The following GATA4 variants were observed in gnomAD, a reference collection of about 807,000 sequenced individuals.
GATA4 encodes GATA binding protein 4.
GATA4 carries 7 observed loss-of-function variants against 37.9 expected under a neutral mutation model. The ratio of observed to expected loss-of-function variants is 0.18; its 90% confidence interval spans 0.11 to 0.35. GATA4 has a LOEUF of 0.35. Ranked by LOEUF, GATA4 falls within the 10% of genes least tolerant of loss-of-function variation. The probability of loss-of-function intolerance (pLI) is 1.00; values close to 1 mark genes in which losing one functional copy is unlikely to be tolerated. For synonymous variants in GATA4, 372 were observed against 292.6 expected, an observed-to-expected ratio of 1.27 and a Z score of -2.77; for missense variants, 647 against 653.0, an observed-to-expected ratio of 0.99 and a Z score of 0.10.
chr8:11,759,870 A>G lies in GATA4; in HGVS notation c.*1395A>G, dbSNP rs760083507. 1 of 152,634 alleles carries G rather than the reference A, an allele frequency of 6.6e-6. No homozygotes were observed. The highest frequency in any genetic ancestry group is 1.5e-5 in the Non-Finnish European group (1 of 68,038). 9.5% of individuals were successfully genotyped at this position (152,634 alleles called of 1,614,324 possible). On this transcript the variant is annotated 3_prime_UTR_variant, in exon 7 of 7. Transcript: ENST00000532059. ...TTTGAACCAAGATTCTGTTTTAATC[A>G]TCATTTACATTGTTTTCTTCCAAAG...
intron 2 of GATA4, among the ~76,000 whole-genome samples, chr8:11,735,034 A>C (rs1801389833): frequency 6.6e-6 from 1 of 152,258 alleles, no homozygotes; most frequent in African/African-American, 2.4e-5. Context: ...TGTATAATTA[A>C]AACTGGGAAA....
At chr8:11,681,043 A>C in intron 1 of GATA4, 1 of 935,422 alleles carries the variant, frequency 1.1e-6, no homozygotes, top group Non-Finnish European at 1.3e-6. Context: ...CACAGATCTA[A>C]TGCCTTCCTT....
At position 11,709,947 on chromosome 8, in the gene GATA4, A is replaced by G. The variant is rs1800098310; in HGVS notation, c.616+1019A>G. Among the ~76,000 whole-genome samples, 1 of 152,104 alleles carries G rather than the reference A, an allele frequency of 6.6e-6. No individual in the cohort carries two copies. Among genetic ancestry groups the G allele is most frequent in the African/African-American group, 2.4e-5 (1 of 41,420 alleles). On this transcript the variant is annotated intron_variant, in intron 2 of 6. Transcript: ENST00000532059. The surrounding 1 kb of genome is among the most constrained non-coding windows in gnomAD (Gnocchi z 4.3). ...GGAGGAGTGAGTTTGGATTGAGCCC[A>G]CCCTGTGGGGGAGGGGAAGCCCAGG...
At chr8:11,711,317 C>A (rs1800173054) in intron 2 of GATA4, among the ~76,000 whole-genome samples, 1 of 152,192 alleles carries the variant, frequency 6.6e-6, no homozygotes, top group African/African-American at 2.4e-5. Flanking sequence ...AAGTCCACAG[C>A]CTTTGAATCT....
intron 2 of GATA4, among the ~76,000 whole-genome samples, chr8:11,728,093 C>A (rs554826349): frequency 7.2e-5 from 11 of 152,066 alleles, no homozygotes; most frequent in African/African-American, 2.7e-4. Flanking sequence ...CAGGTTCAAG[C>A]GATTCTCCTG....
chr8:11,681,980 A>G (rs1798987531), intron 1 of GATA4, among the ~76,000 whole-genome samples: 1 of 152,190 alleles, frequency 6.6e-6, no homozygotes, highest in African/African-American at 2.4e-5. Context: ...ATGTTTGTCT[A>G]CAGAAGTTAC....
intron 5 of GATA4, among the ~76,000 whole-genome samples, chr8:11,755,508 T>A (rs1414428958): frequency 6.6e-6 from 1 of 152,190 alleles, no homozygotes; most frequent in Non-Finnish European, 1.5e-5. Flanking sequence ...CTAACGGGGA[T>A]CCAGGAGGGC....
intron 1 of GATA4, among the ~76,000 whole-genome samples, chr8:11,679,191 C>T (rs952251544): frequency 2.7e-5 from 4 of 147,274 alleles, no homozygotes; most frequent in Non-Finnish European, 4.5e-5. Flanking sequence ...GGGGGGGGCA[C>T]TTTCGCCTGA....
rs947982256 is a variant in GATA4, at chr8:11,755,042, C to T, written c.913-4C>T. 8.7e-6 allele frequency: 14 copies of T among 1,613,100 alleles called. No homozygotes were observed. Among genetic ancestry groups the T allele is most frequent in the Non-Finnish European group, 9.3e-6 (11 of 1,179,094 alleles). ...ACCCTATATATTTACTTGTGACCCTCCAGGTCCCCAGGCCTCTTGCAATGC... is the reference window on the plus strand; with the variant it reads ...ACCCTATATATTTACTTGTGACCCTTCAGGTCCCCAGGCCTCTTGCAATGC... On this transcript the variant is annotated splice_polypyrimidine_tract_variant and splice_region_variant and intron_variant, in intron 4 of 6. Coordinates refer to ENST00000532059, the MANE Select transcript of GATA4 (RefSeq NM_001308093.3).
intron 1 of GATA4, among the ~76,000 whole-genome samples, chr8:11,686,073 T>C (rs1248219266): frequency 6.6e-6 from 1 of 152,254 alleles, no homozygotes; most frequent in South Asian, 2.1e-4. Flanking sequence ...TTTGCACTTG[T>C]AGAGAAACAA....
At chr8:11,727,871 C>A (rs998789374) in intron 2 of GATA4, among the ~76,000 whole-genome samples, 3 of 151,984 alleles carry the variant, frequency 2.0e-5, no homozygotes, top group African/African-American at 7.3e-5. Flanking sequence ...CGTATAATGT[C>A]ACCCAGTTTT....
intron 1 of GATA4, among the ~76,000 whole-genome samples, chr8:11,685,523 G>A (rs1585550766): frequency 1.3e-5 from 2 of 152,160 alleles, no homozygotes; most frequent in East Asian, 3.8e-4. Flanking sequence ...CAAATCATTT[G>A]TTCCAGAGAA....
chr8:11,725,729 C>T (rs113262709), intron 2 of GATA4, among the ~76,000 whole-genome samples: 9 of 152,270 alleles, frequency 5.9e-5, no homozygotes, highest in African/African-American at 1.7e-4. Context: ...TGGCTCACAG[C>T]GAGTGCTGAC....
intron 2 of GATA4, among the ~76,000 whole-genome samples, chr8:11,746,271 G>C (rs1802025359): frequency 6.6e-6 from 1 of 152,092 alleles, no homozygotes; most frequent in South Asian, 2.1e-4. Flanking sequence ...AAAATAGACT[G>C]AGGCAGGAGT....
upstream of GATA4, chr8:11,692,076 CG>C: frequency 1.0e-6 from 1 of 984,720 alleles, no homozygotes; most frequent in East Asian, 1.1e-4. Flanking sequence ...GGGTGCTTTC[CG>C]TAGAAAGGGA....
chr8:11,734,645 C>A (rs552252274), intron 2 of GATA4, among the ~76,000 whole-genome samples: 2 of 152,194 alleles, frequency 1.3e-5, no homozygotes, highest in East Asian at 3.8e-4. Context: ...CACCACCATG[C>A]TCGGCTAATT....
intron 1 of GATA4, among the ~76,000 whole-genome samples, chr8:11,693,298 T>C (rs1478974295): frequency 6.6e-6 from 1 of 151,972 alleles, no homozygotes; most frequent in Non-Finnish European, 1.5e-5. Flanking sequence ...AAACTCCATC[T>C]CTACGAAAAA....
intron 2 of GATA4, among the ~76,000 whole-genome samples, chr8:11,721,563 G>A (rs1448179312): frequency 6.6e-6 from 1 of 151,958 alleles, no homozygotes; most frequent in Non-Finnish European, 1.5e-5. Context: ...AAATGAAGCC[G>A]CACGCTACAG....
rs779512292 is a variant in GATA4, at chr8:11,708,958, T to G, written c.616+30T>G. The G allele has an allele frequency of 1.3e-6, 2 of 1,515,462 alleles. No individual in the cohort carries two copies. Among genetic ancestry groups the G allele is most frequent in the South Asian group, 1.2e-5 (1 of 82,304 alleles). 93.9% of individuals were successfully genotyped at this position (1,515,462 alleles called of 1,614,324 possible). ...GTAGGAGCGCGAGGGCTGGGGCGCG[T>G]GAGGGCCGGGGCAGGGGCCGTCTTG... On this transcript the variant is annotated intron_variant, in intron 2 of 6. Coordinates refer to ENST00000532059, the MANE Select transcript of GATA4 (RefSeq NM_001308093.3). The surrounding 1 kb of genome is among the most constrained non-coding windows in gnomAD (Gnocchi z 6.7).
Sources: gnomAD v4.1 joint callset for allele counts (sites outside exome capture counted in the v4.1 genomes callset) on GRCh38, gnomAD v4.1.1 for gene constraint, Gnocchi (gnomAD v3.1) non-coding constraint, MANE v1.5 for transcripts, NCBI Gene and HGNC (gene_info 2026-07-23, HGNC 2026-07-21) for gene names.